Variants in ME3 observed in about 807,000 individuals in gnomAD.
The protein encoded by ME3 is malic enzyme 3.
ME3 carries 48 observed loss-of-function variants against 68.9 expected under a neutral mutation model. The observed-to-expected ratio is 0.70, with a 90% CI of 0.55 to 0.89. ME3 has a LOEUF of 0.89. ME3 is among the 40% of genes least tolerant of loss of function. ME3 has a pLI of 0.00. For missense variants in ME3, 675 were observed against 797.4 expected (o/e 0.85, Z 1.85); for synonymous variants, 320 against 318.8 (o/e 1.00, Z -0.04).
intron 4 of ME3, among the ~76,000 whole-genome samples, chr11:86,538,361 C>T (rs1222423866): frequency 3.9e-5 from 6 of 152,162 alleles, no homozygotes; most frequent in African/African-American, 1.4e-4. Context: ...AATGCACTCT[C>T]ACCTCCTAGG....
At chr11:86,488,238 A>G (rs1316691103) in intron 6 of ME3, among the ~76,000 whole-genome samples, 2 of 152,216 alleles carry the variant, frequency 1.3e-5, no homozygotes, top group Non-Finnish European at 2.9e-5. Flanking sequence ...TCTTAGGGAC[A>G]AAACTGTCAC....
At chr11:86,470,564 A>G (rs948026719) in intron 7 of ME3, among the ~76,000 whole-genome samples, 4 of 152,228 alleles carry the variant, frequency 2.6e-5, no homozygotes, top group African/African-American at 7.2e-5. Context: ...AATGTGTATT[A>G]AAAGCTCTGA....
At chr11:86,471,089 G>A (rs1316877165) in intron 7 of ME3, among the ~76,000 whole-genome samples, 2 of 147,358 alleles carry the variant, frequency 1.4e-5, no homozygotes, top group Admixed American at 6.8e-5. Context: ...TCTCTGTCTA[G>A]AAGGCGTCTT....
intron 2 of ME3, among the ~76,000 whole-genome samples, chr11:86,561,643 A>G (rs1442173226): frequency 6.6e-6 from 1 of 152,166 alleles, no homozygotes; most frequent in Admixed American, 6.6e-5. Context: ...ACCATCTCCC[A>G]TTTATGTACT....
At chr11:86,562,709 G>A (rs1018182196) in intron 2 of ME3, among the ~76,000 whole-genome samples, 18 of 152,024 alleles carry the variant, frequency 1.2e-4, no homozygotes, top group Admixed American at 6.6e-5. Flanking sequence ...GGGTACATGC[G>A]CAGGTTTGTT....
chr11:86,501,228 T>C (rs1270021991), intron 5 of ME3, among the ~76,000 whole-genome samples: 1 of 143,254 alleles, frequency 7.0e-6, no homozygotes, highest in African/African-American at 2.5e-5. Flanking sequence ...AATGATGAAA[T>C]AAAATATGTC....
chr11:86,552,606 C>CA (rs945930770), intron 4 of ME3, among the ~76,000 whole-genome samples: 3 of 152,158 alleles, frequency 2.0e-5, no homozygotes, highest in African/African-American at 7.2e-5. Context: ...CACCGCCCCC[C>CA]ATGCTGTTCC....
chr11:86,603,984 T>G (rs1223039369), intron 2 of ME3, among the ~76,000 whole-genome samples: 2 of 147,600 alleles, frequency 1.4e-5, no homozygotes, highest in East Asian at 4.2e-4. Flanking sequence ...TTAGGAGATA[T>G]GCCTAATGCT....
chr11:86,468,759 C>T (rs1950622102), intron 7 of ME3, among the ~76,000 whole-genome samples: 1 of 152,074 alleles, frequency 6.6e-6, no homozygotes, highest in Non-Finnish European at 1.5e-5. Flanking sequence ...TATCAATTGC[C>T]TTACATATTC....
chr11:86,620,784 A>G (rs1169762450), intron 2 of ME3, among the ~76,000 whole-genome samples: 1 of 152,214 alleles, frequency 6.6e-6, no homozygotes, highest in East Asian at 1.9e-4. Context: ...TTAATATCAT[A>G]CATCTTTTTT....
intron 14 of ME3, 71 bp from the exon 15 acceptor site, chr11:86,441,511 G>C: frequency 7.0e-7 from 1 of 1,431,420 alleles, no homozygotes; most frequent in South Asian, 1.5e-5. Flanking sequence ...TTGCTTGGGA[G>C]CATGGGGGAG....
At chr11:86,612,328 T>G (rs1464927040) in intron 2 of ME3, among the ~76,000 whole-genome samples, 1 of 152,200 alleles carries the variant, frequency 6.6e-6, no homozygotes, top group Non-Finnish European at 1.5e-5. Context: ...ACCATTTGGG[T>G]TGGTTCTATG....
chr11:86,620,675 T>C (rs1943289986), intron 2 of ME3, among the ~76,000 whole-genome samples: 1 of 152,240 alleles, frequency 6.6e-6, no homozygotes, highest in African/African-American at 2.4e-5. Context: ...ACATTTGTTC[T>C]GCAGCTTACA....
intron 11 of ME3, 108 bp from the exon 12 acceptor site, chr11:86,447,315 TG>T: frequency 6.9e-7 from 1 of 1,442,590 alleles, no homozygotes; most frequent in South Asian, 1.4e-5. Flanking sequence ...GACTCGGTCT[TG>T]GGCCCAGCAT....
chr11:86,457,505 C>A (rs1950004562), intron 8 of ME3: 2 of 1,095,748 alleles, frequency 1.8e-6, no homozygotes, highest in South Asian at 2.4e-5. Context: ...GCACTTGGTA[C>A]AGGCCAGAAC....
chr11:86,450,448 C>G, intron 8 of ME3, 50 bp from the exon 9 acceptor site: 1 of 1,505,944 alleles, frequency 6.6e-7, no homozygotes. Flanking sequence ...CCGCCAGCTC[C>G]CAAGAGAAGA....
intron 2 of ME3, chr11:86,667,912 T>G (rs1407191552): frequency 1.3e-5 from 2 of 152,152 alleles, no homozygotes; most frequent in Admixed American, 1.3e-4. Context: ...TAACCAAAGA[T>G]TTACTCTGTT....
At position 86,583,279 on chromosome 11, in the gene ME3, G is replaced by T. The variant is rs1460300287; in HGVS notation, c.184-23456C>A. Among the ~76,000 whole-genome samples the T allele has an allele frequency of 2.0e-5, 3 of 152,186 alleles. No homozygotes were observed. The East Asian group carries it at 5.8e-4, about 29-fold the overall frequency. On this transcript the variant is annotated intron_variant, in intron 2 of 14. Transcript: ENST00000543262. The stretch of plus-strand genomic sequence containing the variant: ...GCCTAAATCTCACATTCCACTGGGG[G>T]AGTTGACACAGCAGATATTAGGTTG...
intron 5 of ME3, among the ~76,000 whole-genome samples, 162 bp from the exon 6 acceptor site, chr11:86,498,286 A>G (rs1399375237): frequency 6.6e-6 from 1 of 152,230 alleles, no homozygotes. Flanking sequence ...ATTCACCTGC[A>G]GGTGACCAGT....
Sources: allele counts gnomAD v4.1 joint callset (sites outside exome capture counted in the v4.1 genomes callset), GRCh38; gene constraint gnomAD v4.1.1; transcripts MANE v1.5; gene names NCBI Gene and HGNC (gene_info 2026-07-23, HGNC 2026-07-21).